The following MTCL1 variants were observed in gnomAD, a reference collection of about 807,000 sequenced individuals.
The protein encoded by MTCL1 is microtubule cross-linking factor 1.
MTCL1 carries 79 observed loss-of-function variants against 141.4 expected under a neutral mutation model. The ratio of observed to expected loss-of-function variants is 0.56; its 90% CI spans 0.47 to 0.67. MTCL1 has a LOEUF of 0.67. Ranked by LOEUF, MTCL1 falls within the 30% of genes least tolerant of loss-of-function variation. The pLI is 0.00. For missense variants in MTCL1, 2,177 were observed against 2,113.9 expected, an observed-to-expected ratio of 1.03 and a Z score of -0.59; for synonymous variants, 914 against 875.8, an observed-to-expected ratio of 1.04 and a Z score of -0.77.
At chr18:8,798,508 T>G (rs1011896436) in intron 10 of MTCL1, among the ~76,000 whole-genome samples, 3 of 152,346 alleles carry the variant, frequency 2.0e-5, no homozygotes, top group Admixed American at 6.5e-5. Flanking sequence ...CTCTTTCATT[T>G]GAGTTGCCAT....
intron 7 of MTCL1, chr18:8,786,389 C>T (rs926798517): frequency 2.9e-5 from 18 of 619,098 alleles, no homozygotes; most frequent in African/African-American, 5.4e-5. Flanking sequence ...TTGGTGAGTG[C>T]GCAGTGGCTT....
chr18:8,786,385 A>G, intron 7 of MTCL1: 1 of 627,428 alleles, frequency 1.6e-6, no homozygotes, highest in Non-Finnish European at 3.0e-6. Context: ...CTGATTGGTG[A>G]GTGCGCAGTG....
chr18:8,826,198 C>T lies in MTCL1; in HGVS notation c.4688C>T (p.Ser1563Leu), dbSNP rs543844504. Residue 1563 changes from serine (S) to leucine (L), a missense_variant, in exon 15 of 17, where the codon TCG becomes TTG. Transcript: ENST00000359865. ...CCGGGTCTCCACAGTGACAGCCACT[C>T]GCTGGGGGACACAGCCGAGCCAGGG... is the stretch of plus-strand genomic sequence containing the variant. 6.3e-5 allele frequency: 101 copies of T among 1,608,934 alleles called. 2 individuals are homozygous for T. In the South Asian group the frequency reaches 9.9e-4, roughly 16 times the overall value.
chr18:8,725,790 CT>C lies in MTCL1; in HGVS notation c.357+5311del, dbSNP rs796484848. ...GGTGCCATTTTCTTTTTTTTTTTTT[CT>C]TTTTTTTTTTTTTTTTGAGATGGAG... On this transcript the variant is annotated intron_variant, in intron 4 of 16. Transcript: ENST00000359865. 8.6e-3 allele frequency among the ~76,000 whole-genome samples: 525 copies of C among 61,080 alleles called. 1 individual carries two copies. The highest frequency in any genetic ancestry group is 0.036 in the African/African-American group (440 of 12,336). The allele number at this position is 61,080 out of a possible 152,430, so 40.1% of individuals were successfully genotyped here. A position where few individuals can be genotyped will look rare whatever the true frequency, so the allele number is the denominator to read the frequency against.
intron 4 of MTCL1, among the ~76,000 whole-genome samples, chr18:8,725,153 T>A (rs2096199915): frequency 6.6e-6 from 1 of 151,940 alleles, no homozygotes; most frequent in African/African-American, 2.4e-5. Context: ...TAGACACAAA[T>A]AACAACTAGC....
At chr18:8,727,872 C>CTT (rs1168617520) in intron 4 of MTCL1, among the ~76,000 whole-genome samples, 9 of 149,338 alleles carry the variant, frequency 6.0e-5, no homozygotes, top group African/African-American at 2.2e-4. Context: ...CTCTCTCTCT[C>CTT]TCCCTGCTTC....
At chr18:8,715,221 G>T (rs1294042087), upstream of MTCL1, among the ~76,000 whole-genome samples, 1 of 152,200 alleles carries the variant, frequency 6.6e-6, no homozygotes, top group Admixed American at 6.5e-5. Context: ...AGTTTTCATA[G>T]CCTGTAACAT....
rs772441670 is a variant in MTCL1 at position 8,785,915 on chromosome 18, T to C, written c.1732-21T>C. On this transcript the variant is annotated intron_variant, in intron 6 of 16. Coordinates refer to ENST00000359865, the Ensembl canonical transcript of MTCL1. ...AATTTTAAAGAACAACAACAACAAA[T>C]TCCTCCCGTGCACCTAACAGTCCAG... 3 of 1,548,332 alleles carry C rather than the reference T, an allele frequency of 1.9e-6. 1 individual carries two copies. In the South Asian group the frequency reaches 3.7e-5, roughly 19 times the overall value.
chr18:8,737,282 CT>C (rs2096279250), intron 4 of MTCL1, among the ~76,000 whole-genome samples: 1 of 152,228 alleles, frequency 6.6e-6, no homozygotes, highest in Non-Finnish European at 1.5e-5. Flanking sequence ...GCACTAGGCT[CT>C]GTTTTGACAT....
chr18:8,720,551 G>C (rs2096163543), intron 4 of MTCL1, 55 bp downstream of exon 3: 1 of 1,546,768 alleles, frequency 6.5e-7, no homozygotes, highest in South Asian at 1.2e-5. Flanking sequence ...GAGGAGCTTG[G>C]AACTCCAAGT....
chr18:8,752,597 T>C (rs868790667), intron 4 of MTCL1, among the ~76,000 whole-genome samples: 1 of 152,206 alleles, frequency 6.6e-6, no homozygotes, highest in South Asian at 2.1e-4. Context: ...CCACAGAGTA[T>C]TTCCAAGGTT....
upstream of MTCL1, among the ~76,000 whole-genome samples, chr18:8,716,568 C>CTTTTTT (rs1567928941): frequency 1.5e-4 from 16 of 108,864 alleles, no homozygotes; most frequent in African/African-American, 5.1e-4. Flanking sequence ...TCTTTTTGTT[C>CTTTTTT]ATTTTTTTTT....
chr18:8,784,192 C>G, exon 6 of MTCL1: 3 of 1,613,760 alleles, frequency 1.9e-6, no homozygotes, highest in Non-Finnish European at 2.5e-6. Context: ...ACGAGAACCA[C>G]GCGCTGCTGT....
rs150114911 is a variant in MTCL1 at position 8,779,248 on chromosome 18, G to T, written c.417+1356G>T. ...CTGGTGGTGATGGTGGTGGGCCCCT[G>T]GGTGTCTCCCCTCCTGGCCATGCCT... On this transcript the variant is annotated intron_variant, in intron 5 of 16. Transcript: ENST00000359865. This position sits in a 1 kb window ranked among gnomAD's most constrained non-coding sequence, Gnocchi z 4.1. Among the ~76,000 whole-genome samples the T allele has an allele frequency of 4.4e-4, 67 of 152,276 alleles. No individual in the cohort carries two copies. Among genetic ancestry groups the T allele is most frequent in the Non-Finnish European group, 7.6e-4 (52 of 68,022 alleles).
At chr18:8,771,876 G>A (rs552573411) in intron 4 of MTCL1, among the ~76,000 whole-genome samples, 8 of 152,334 alleles carry the variant, frequency 5.3e-5, no homozygotes, top group African/African-American at 1.9e-4. Context: ...CCACTGGGGG[G>A]GTTCCTGTTA....
intron 5 of MTCL1, among the ~76,000 whole-genome samples, chr18:8,778,578 T>C (rs1020321855): frequency 6.6e-6 from 1 of 152,212 alleles, no homozygotes; most frequent in East Asian, 1.9e-4. Context: ...CCTGCAGCCC[T>C]GTCCCTGTGA....
At chr18:8,792,880 C>A in intron 7 of MTCL1, 118 bp from the exon 7 acceptor site, 2 of 1,398,214 alleles carry the variant, frequency 1.4e-6, no homozygotes, top group South Asian at 2.7e-5. Context: ...GCTGCAGTGC[C>A]CACACATGCT....
At chr18:8,710,457 CTTTTTTTTT>C (rs59830434) in intron 1 of MTCL1, among the ~76,000 whole-genome samples, 7 of 121,814 alleles carry the variant, frequency 5.7e-5, no homozygotes, top group Non-Finnish European at 8.6e-5. Flanking sequence ...CAGGCACTTT[CTTTTTTTTT>C]TTTTTTTTTT....
intron 15 of MTCL1, among the ~76,000 whole-genome samples, chr18:8,826,674 G>A (rs546359959): frequency 2.6e-5 from 4 of 152,282 alleles, no homozygotes; most frequent in South Asian, 4.1e-4. Context: ...ACATGAGCAC[G>A]AGCACTTCTC....
Sources: gnomAD v4.1 joint callset for allele counts (sites outside exome capture counted in the v4.1 genomes callset) on GRCh38, gnomAD v4.1.1 for gene constraint, Gnocchi (gnomAD v3.1) non-coding constraint, MANE v1.5 for transcripts, NCBI Gene and HGNC (gene_info 2026-07-23, HGNC 2026-07-21) for gene names.